RASSF6: variants seen among roughly 807,000 people sequenced by gnomAD.
RASSF6 encodes ras association domain-containing protein 6.
In RASSF6, 52 loss-of-function variants were observed where a neutral mutation model predicts 44.0. That is an observed-to-expected ratio of 1.18 (90% CI 0.95 to 1.49). The LOEUF is 1.49. Among genes scored for constraint, RASSF6 ranks in the 40% most tolerant of loss-of-function variants. RASSF6 has a pLI of 0.00. For synonymous variants in RASSF6, 162 were observed against 124.6 expected, an observed-to-expected ratio of 1.30 and a Z score of -2.00; for missense variants, 464 against 393.3, an observed-to-expected ratio of 1.18 and a Z score of -1.52.
At chr4:73,584,608 T>C (rs906665836) in intron 6 of RASSF6, among the ~76,000 whole-genome samples, 2 of 152,178 alleles carry the variant, frequency 1.3e-5, no homozygotes, top group African/African-American at 4.8e-5. Context: ...TTGGAATAAA[T>C]TGGCCTGTGG....
At position 73,582,195 on chromosome 4, in the gene RASSF6, T is replaced by A. The variant is rs187711109; in HGVS notation, c.663A>T (p.Lys221Asn). 4 of 1,512,796 alleles carry A rather than the reference T, an allele frequency of 2.6e-6. No individual in the cohort carries two copies. Among genetic ancestry groups the A allele is most frequent in the Non-Finnish European group, 3.6e-6 (4 of 1,099,392 alleles). 93.7% of individuals were successfully genotyped at this position (1,512,796 alleles called of 1,614,324 possible). The change falls in exon 7 of 11, where the codon AAA becomes AAT. Residue 221 changes from lysine to asparagine, a missense_variant. Transcript: ENST00000307439. ...GTTAAGTGATAAAGGTTACCTTAAA[T>A]TTTTGGAGAAGTTGCTTTATTACTT... The part of the protein sequence containing the change: ...TEEVIKQLLQ[K>N]FKIENSPQDF...
Position 73,616,894 on chromosome 4 carries a change from G to C in RASSF6, c.-35+3394C>G, listed in dbSNP as rs147198260. On this transcript the variant is annotated intron_variant, in intron 1 of 10. Coordinates refer to ENST00000307439, the MANE Select transcript of RASSF6 (RefSeq NM_177532.5). The stretch of plus-strand genomic sequence containing the variant: ...TGACCTGGAACCTTGGAGTAGAGAA[G>C]AGCAGAGTTATATGCAATTACATCA... 6.6e-4 allele frequency among the ~76,000 whole-genome samples: 100 copies of C among 152,332 alleles called. No homozygotes were observed. In the East Asian group the frequency reaches 0.012, roughly 18 times the overall value.
chr4:73,586,377 A>G (rs1047780614), intron 5 of RASSF6, among the ~76,000 whole-genome samples: 4 of 152,046 alleles, frequency 2.6e-5, no homozygotes, highest in Non-Finnish European at 5.9e-5. Context: ...GTATAAAATT[A>G]TAGTGTAGCG....
intron 7 of RASSF6, 115 bp downstream of exon 7, chr4:73,582,074 C>A (rs1723697757): frequency 1.5e-6 from 1 of 663,250 alleles, no homozygotes; most frequent in African/African-American, 1.8e-5. Context: ...TTTCAGTGCT[C>A]AACATCCAAT....
In RASSF6 at chr4:73,588,045, ATATATTGTCCAAAGT is replaced by A. The variant is rs1357080052; in HGVS notation, c.288-126_288-112del. ...TAATACTGTGGGCCTCTGTAGGTGG[ATATATTGTCCAAAGT>A]TATAACAATTTTATGATATTATTAA... On this transcript the variant is annotated intron_variant, in intron 4 of 10. Coordinates refer to ENST00000307439, the MANE Select transcript of RASSF6 (RefSeq NM_177532.5). 1.0e-5 allele frequency: 6 copies of A among 583,694 alleles called. No individual in the cohort carries two copies. In the African/African-American group the frequency reaches 1.1e-4, roughly 11 times the overall value. 36.2% of individuals were successfully genotyped at this position (583,694 alleles called of 1,614,324 possible). A position where few individuals can be genotyped will look rare whatever the true frequency, so the allele number is the denominator to read the frequency against.
At chr4:73,615,956 A>G in intron 1 of RASSF6, 5 of 1,547,118 alleles carry the variant, frequency 3.2e-6, no homozygotes, top group Non-Finnish European at 4.4e-6. Context: ...ATTAAATCAA[A>G]TGGGTCAGTC....
At position 73,574,769 on chromosome 4, in the gene RASSF6, C is replaced by G. The variant is rs898796076; in HGVS notation, c.*1466G>C. On this transcript the variant is annotated 3_prime_UTR_variant, in exon 11 of 11. Transcript: ENST00000307439. Reference sequence around the variant, plus strand: ...CTGTGATTTTTCTTTTCATATCTACCTTTTTTTTCTATGTAAGACTTGGTT... The same window carrying G: ...CTGTGATTTTTCTTTTCATATCTACGTTTTTTTTCTATGTAAGACTTGGTT... 6.6e-6 allele frequency: 1 copy of G among 151,822 alleles called. No homozygotes were observed. Among genetic ancestry groups the G allele is most frequent in the African/African-American group, 2.4e-5 (1 of 41,336 alleles). The allele number at this position is 151,822 out of a possible 1,614,324, so 9.4% of individuals were successfully genotyped here.
At chr4:73,617,341 G>T (rs1726426875) in intron 1 of RASSF6, among the ~76,000 whole-genome samples, 1 of 152,174 alleles carries the variant, frequency 6.6e-6, no homozygotes, top group Non-Finnish European at 1.5e-5. Flanking sequence ...TGCCCTCAGG[G>T]AGATAAAGAA....
rs189877517 is a variant in RASSF6 at position 73,587,916 on chromosome 4, T to C, written c.306A>G (p.Glu102=). 76 of 1,608,386 alleles carry C rather than the reference T, an allele frequency of 4.7e-5. 1 individual carries two copies. The African/African-American group carries it at 7.2e-4, about 15-fold the overall frequency. The change falls in exon 5 of 11, where the codon GAA becomes GAG. Residue 102 remains glutamate (E), a synonymous_variant. Transcript: ENST00000307439. ...FSSKGMTRWG[E]FDDLYRISEL... ...CACTAATACGATAGAGATCGTCAAA[T>C]TCCCCCCAGCGTGTCATTCTGAGAA...
intron 1 of RASSF6, 98 bp downstream of exon 1, chr4:73,620,185 CACTTA>C (rs2149403961): frequency 3.0e-6 from 2 of 660,582 alleles, no homozygotes; most frequent in African/African-American, 1.9e-5. Context: ...GACACACACA[CACTTA>C]ACTTTGTTGC....
In RASSF6 at chr4:73,593,518, T is replaced by C. The variant is rs1282399351; in HGVS notation, c.220A>G (p.Ile74Val). The change falls in exon 4 of 11, where the codon ATA becomes GTA. Residue 74 changes from isoleucine (I) to valine (V), a missense_variant. Ile to Val is a conservative substitution (Grantham distance 29). Coordinates refer to ENST00000307439, the MANE Select transcript of RASSF6 (RefSeq NM_177532.5). ...WGVKRPIQLK[I>V]QDEKPFSSFT... The stretch of plus-strand genomic sequence containing the variant: ...GAAGAGAATGGCTTCTCATCTTGTA[T>C]TTTTAGCTGTATAGGTCGTTTTACT... 11 of 1,613,664 alleles carry C rather than the reference T, an allele frequency of 6.8e-6. No homozygotes were observed. The highest frequency in any genetic ancestry group is 9.3e-6 in the Non-Finnish European group (11 of 1,179,806).
At chr4:73,606,821 C>T (rs986775923) in intron 2 of RASSF6, among the ~76,000 whole-genome samples, 4 of 152,144 alleles carry the variant, frequency 2.6e-5, no homozygotes, top group Admixed American at 6.5e-5. Context: ...CCCTTGCTCC[C>T]TTGGGAGGGA....
chr4:73,591,995 G>A (rs1043803229), intron 4 of RASSF6, among the ~76,000 whole-genome samples: 2 of 151,880 alleles, frequency 1.3e-5, no homozygotes, highest in African/African-American at 4.8e-5. Flanking sequence ...TTTTCAGTGA[G>A]CCTCGTATAG....
In RASSF6 at chr4:73,587,909, C is replaced by A. The variant is rs143969358; in HGVS notation, c.313G>T (p.Asp105Tyr). 1.1e-5 allele frequency: 17 copies of A among 1,609,008 alleles called. No individual in the cohort carries two copies. The highest frequency in any genetic ancestry group is 8.4e-5 in the Admixed American group (5 of 59,856). ...TCCAGCTCACTAATACGATAGAGAT[C>A]GTCAAATTCCCCCCAGCGTGTCATT... ...KGMTRWGEFD[D>Y]LYRISELDRT... is the part of the protein sequence containing the mutation. Residue 105 changes from aspartate to tyrosine, a missense_variant, in exon 5 of 11, where the codon GAT becomes TAT. By Grantham distance (160) the Asp-to-Tyr change is radical. Coordinates refer to ENST00000307439, the MANE Select transcript of RASSF6 (RefSeq NM_177532.5).
intron 8 of RASSF6, among the ~76,000 whole-genome samples, chr4:73,579,897 G>C (rs1723489976): frequency 1.3e-5 from 2 of 151,176 alleles, no homozygotes; most frequent in African/African-American, 4.9e-5. Flanking sequence ...TATACTTTAA[G>C]TTTTAGGGTA....
Position 73,571,836 on chromosome 4 carries a change from G to A in RASSF6, c.*4399C>T, listed in dbSNP as rs1442469482. 1 of 151,986 alleles carries A rather than the reference G, an allele frequency of 6.6e-6. No individual in the cohort carries two copies. The highest frequency in any genetic ancestry group is 2.4e-5 in the African/African-American group (1 of 41,398). The allele number at this position is 151,986 out of a possible 1,614,324, so 9.4% of individuals were successfully genotyped here. A position where few individuals can be genotyped will look rare whatever the true frequency, so the allele number is the denominator to read the frequency against. On this transcript the variant is annotated 3_prime_UTR_variant, in exon 11 of 11. Coordinates refer to ENST00000307439, the MANE Select transcript of RASSF6 (RefSeq NM_177532.5). ...TTTGAGCTAATATATAACTGACAAT[G>A]AAATATTTGGACCACCTAAAACAAG...
Position 73,574,860 on chromosome 4 carries a change from A to C in RASSF6, c.*1375T>G, listed in dbSNP as rs1354287382. ...GTCATGTTCATGGCAGGTACATGAC[A>C]CTAGTTTTTTATAAGTATGTTGAAT... On this transcript the variant is annotated 3_prime_UTR_variant, in exon 11 of 11. Coordinates refer to ENST00000307439, the MANE Select transcript of RASSF6 (RefSeq NM_177532.5). 1 of 151,986 alleles carries C rather than the reference A, an allele frequency of 6.6e-6. No individual in the cohort carries two copies. Among genetic ancestry groups the C allele is most frequent in the Non-Finnish European group, 1.5e-5 (1 of 68,000 alleles). 9.4% of individuals were successfully genotyped at this position (151,986 alleles called of 1,614,324 possible).
At chr4:73,582,747 T>C (rs923009914) in intron 6 of RASSF6, among the ~76,000 whole-genome samples, 6 of 152,034 alleles carry the variant, frequency 3.9e-5, no homozygotes, top group Non-Finnish European at 7.4e-5. Flanking sequence ...GGGTGGCTCA[T>C]TGGACTGTTA....
intron 4 of RASSF6, 130 bp downstream of exon 4, chr4:73,593,321 T>A (rs889378134): frequency 5.2e-6 from 5 of 970,048 alleles, no homozygotes; most frequent in Non-Finnish European, 7.4e-6. Flanking sequence ...CGGCCATTGC[T>A]GGGAAATTAA....
Sources: gnomAD v4.1 joint callset for allele counts (sites outside exome capture counted in the v4.1 genomes callset) on GRCh38, gnomAD v4.1.1 for gene constraint, MANE v1.5 for transcripts, NCBI Gene and HGNC (gene_info 2026-07-23, HGNC 2026-07-21) for gene names.